The following AK1 variants were observed in gnomAD, a reference collection of about 807,000 sequenced individuals.
AK1 encodes the protein adenylate kinase isoenzyme 1.
In AK1, 13 loss-of-function variants were observed where a neutral mutation model predicts 23.9. That is an observed-to-expected ratio of 0.54 (90% CI 0.35 to 0.86). AK1 has a LOEUF of 0.86. AK1 is among the 40% of genes least tolerant of loss of function. The pLI, the probability that AK1 is intolerant of heterozygous loss-of-function variation, is 0.01. For synonymous variants in AK1, 97 were observed against 102.8 expected (o/e 0.94, Z 0.34); for missense variants, 214 against 255.1 (o/e 0.84, Z 1.10).
chr9:127,867,787 A>G lies in AK1; in HGVS notation c.*221T>C. 1 of 548,828 alleles carries G rather than the reference A, an allele frequency of 1.8e-6. No homozygotes were observed. 34.0% of individuals were successfully genotyped at this position (548,828 alleles called of 1,614,324 possible). On this transcript the variant is annotated 3_prime_UTR_variant, in exon 7 of 7. Coordinates refer to ENST00000644144, the MANE Select transcript of AK1 (RefSeq NM_000476.3). ...TGGGGACTTGCGGCCAGGTAGGCAC[A>G]AGCACATGAATCAACTCCAACTGGA...
rs189481090 is a variant in AK1, at chr9:127,871,296, T to C, written c.324+527A>G. 1.7e-3 allele frequency among the ~76,000 whole-genome samples: 261 copies of C among 151,704 alleles called. 15 individuals carry two copies. Among genetic ancestry groups the C allele is most frequent in the African/African-American group, 6.0e-3 (247 of 40,998 alleles). On this transcript the variant is annotated intron_variant, in intron 5 of 6. Coordinates refer to ENST00000644144, the MANE Select transcript of AK1 (RefSeq NM_000476.3). The surrounding 1 kb of genome is among the most constrained non-coding windows in gnomAD (Gnocchi z 4.4). ...CTCATGACCCCTGGAAGGAGACTGATGTCCCTTTATGGCATTTGCAGCCTC... is the reference window on the plus strand; with the variant it reads ...CTCATGACCCCTGGAAGGAGACTGACGTCCCTTTATGGCATTTGCAGCCTC...
At chr9:127,873,004 C>CA (rs1829451776) in intron 3 of AK1, 22 bp downstream of exon 3, 7 of 1,613,862 alleles carry the variant, frequency 4.3e-6, no homozygotes, top group Non-Finnish European at 5.1e-6. Context: ...CTTGCTGCAC[C>CA]ACCCGCCTGC....
intron 5 of AK1, among the ~76,000 whole-genome samples, chr9:127,869,709 C>T (rs1829341471): frequency 6.6e-6 from 1 of 152,214 alleles, no homozygotes; most frequent in Admixed American, 6.5e-5. Flanking sequence ...TACAGATTAC[C>T]ATGGGGGCAA....
At chr9:127,870,495 G>A (rs1356453068) in intron 5 of AK1, among the ~76,000 whole-genome samples, 4 of 151,974 alleles carry the variant, frequency 2.6e-5, no homozygotes, top group African/African-American at 4.8e-5. Context: ...CACTGCACCC[G>A]GCCGACTTTC....
Position 127,867,007 on chromosome 9 carries a change from C to CTTTTTTTTTTT in AK1, c.*990_*1000dup, listed in dbSNP as rs869298613. On this transcript the variant is annotated 3_prime_UTR_variant, in exon 7 of 7. Coordinates refer to ENST00000644144, the MANE Select transcript of AK1 (RefSeq NM_000476.3). The stretch of plus-strand genomic sequence containing the variant: ...GACCATGACTCCCCCAATTCAATTT[C>CTTTTTTTTTTT]TTTTTTTTTTTTTTTTTTTTTGAGA... 1.7e-5 allele frequency: 2 copies of CTTTTTTTTTTT among 115,084 alleles called. No individual in the cohort carries two copies. Among genetic ancestry groups the CTTTTTTTTTTT allele is most frequent in the Non-Finnish European group, 3.5e-5 (2 of 57,542 alleles). 7.1% of individuals were successfully genotyped at this position (115,084 alleles called of 1,614,324 possible). A position where few individuals can be genotyped will look rare whatever the true frequency, so the allele number is the denominator to read the frequency against.
At position 127,871,823 on chromosome 9, in the gene AK1, C is replaced by T. The variant is rs1257656767; in HGVS notation, c.324G>A (p.Arg108=). Reference sequence around the variant, plus strand: ...ATCCCCACTTGGGTCAGTGCCTTACCCGTCGCTCAAACTCTTCTCCTTGCT... The same window carrying T: ...ATCCCCACTTGGGTCAGTGCCTTACTCGTCGCTCAAACTCTTCTCCTTGCT... ...EVQQGEEFER[R]IGQPTLLLYV... Residue 108 remains arginine (R), a splice_region_variant and synonymous_variant, in exon 5 of 7, where the codon CGG becomes CGA. Coordinates refer to ENST00000644144, the MANE Select transcript of AK1 (RefSeq NM_000476.3). This position sits in a 1 kb window ranked among gnomAD's most constrained non-coding sequence, Gnocchi z 4.4. The T allele has an allele frequency of 6.2e-7, 1 of 1,613,780 alleles. No homozygotes were observed.
Position 127,868,399 on chromosome 9 carries a change from G to T in AK1, c.438C>A (p.Ile146=). Residue 146 remains isoleucine, a synonymous_variant, in exon 6 of 7, where the codon ATC becomes ATA. Coordinates refer to ENST00000644144, the MANE Select transcript of AK1 (RefSeq NM_000476.3). The surrounding 1 kb of genome is among the most constrained non-coding windows in gnomAD (Gnocchi z 4.1). ...SGRVDDNEET[I]KKRLETYYKA... is the part of the protein sequence containing the mutation. ...TGTAATAGGTCTCCAGCCGCTTTTT[G>T]ATGGTCTCCTCATTGTCGTCCACAC... The T allele has an allele frequency of 6.2e-7, 1 of 1,612,434 alleles. No individual in the cohort carries two copies. The highest frequency in any genetic ancestry group is 8.5e-7 in the Non-Finnish European group (1 of 1,179,446).
chr9:127,870,050 C>T (rs750641984), intron 5 of AK1, among the ~76,000 whole-genome samples: 1 of 152,160 alleles, frequency 6.6e-6, no homozygotes, highest in Non-Finnish European at 1.5e-5. Flanking sequence ...CCAGGCTGAC[C>T]CTCCCTCCTT....
chr9:127,877,668 C>T lies in AK1; in HGVS notation c.-78G>A, dbSNP rs1829573789. 1 of 152,388 alleles carries T rather than the reference C, an allele frequency of 6.6e-6. No homozygotes were observed. The highest frequency in any genetic ancestry group is 2.1e-4 in the South Asian group (1 of 4,830). The allele number at this position is 152,388 out of a possible 1,614,324, so 9.4% of individuals were successfully genotyped here. ...GCGCCGGGGCCAGTGCGTGCCCTGCCCGTCCTCGCGGCGGCCGGCAAAGGC... is the reference window on the plus strand; with the variant it reads ...GCGCCGGGGCCAGTGCGTGCCCTGCTCGTCCTCGCGGCGGCCGGCAAAGGC... On this transcript the variant is annotated 5_prime_UTR_variant, in exon 1 of 7. Coordinates refer to ENST00000644144, the MANE Select transcript of AK1 (RefSeq NM_000476.3). This position sits in a 1 kb window ranked among gnomAD's most constrained non-coding sequence, Gnocchi z 5.2.
Position 127,873,341 on chromosome 9 carries a change from C to T in AK1, c.8-280G>A, listed in dbSNP as rs1350242656. The T allele has an allele frequency of 2.1e-5, 32 of 1,548,032 alleles. No individual in the cohort carries two copies. The African/African-American group carries it at 2.7e-4, about 13-fold the overall frequency. Reference sequence around the variant, plus strand: ...TCTCCACACAGCCAGCGGGCTGGGCCGCCAGCCCTCATGGCGCCTCCCTGT... The same window carrying T: ...TCTCCACACAGCCAGCGGGCTGGGCTGCCAGCCCTCATGGCGCCTCCCTGT... On this transcript the variant is annotated intron_variant, in intron 2 of 6. Coordinates refer to ENST00000644144, the MANE Select transcript of AK1 (RefSeq NM_000476.3).
chr9:127,876,205 C>G (rs1829534972), intron 1 of AK1, among the ~76,000 whole-genome samples: 1 of 152,218 alleles, frequency 6.6e-6, no homozygotes, highest in Admixed American at 6.5e-5. Flanking sequence ...GGACTCTGCC[C>G]TCCACTCCCA....
At position 127,868,559 on chromosome 9, in the gene AK1, G is replaced by A. The variant is rs1829306208; in HGVS notation, c.325-47C>T. On this transcript the variant is annotated intron_variant, in intron 5 of 6. Coordinates refer to ENST00000644144, the MANE Select transcript of AK1 (RefSeq NM_000476.3). The surrounding 1 kb of genome is among the most constrained non-coding windows in gnomAD (Gnocchi z 4.1). The stretch of plus-strand genomic sequence containing the variant: ...CAGGGACCCCATTCCTGCCCCCTAG[G>A]GCCATCTCCTCCCCATCTTCCCATC... 2.6e-6 allele frequency: 4 copies of A among 1,544,772 alleles called. No individual in the cohort carries two copies. In the African/African-American group the frequency reaches 4.1e-5, roughly 16 times the overall value.
chr9:127,873,381 CG>C, intron 2 of AK1: 3 of 1,576,952 alleles, frequency 1.9e-6, no homozygotes, highest in South Asian at 1.2e-5. Context: ...GCCTGGACCC[CG>C]GGGCCGGTCA....
In AK1 at chr9:127,877,646, C is replaced by A. The variant is rs1829572804; in HGVS notation, c.-56G>T. 1.3e-5 allele frequency: 2 copies of A among 152,242 alleles called. No individual in the cohort carries two copies. The highest frequency in any genetic ancestry group is 1.3e-4 in the Admixed American group (2 of 15,286). The allele number at this position is 152,242 out of a possible 1,614,324, so 9.4% of individuals were successfully genotyped here. On this transcript the variant is annotated 5_prime_UTR_variant, in exon 1 of 7. Coordinates refer to ENST00000644144, the MANE Select transcript of AK1 (RefSeq NM_000476.3). This position sits in a 1 kb window ranked among gnomAD's most constrained non-coding sequence, Gnocchi z 5.2. ...ACCTGGGGAGGGGTGCGGGTGGGCG[C>A]CGGGGCCAGTGCGTGCCCTGCCCGT...
rs765054939 is a variant in AK1 at position 127,871,786 on chromosome 9, C to T, written c.324+37G>A. 4 of 1,577,622 alleles carry T rather than the reference C, an allele frequency of 2.5e-6. No individual in the cohort carries two copies. The highest frequency in any genetic ancestry group is 1.3e-5 in the African/African-American group (1 of 74,122). On this transcript the variant is annotated intron_variant, in intron 5 of 6. Coordinates refer to ENST00000644144, the MANE Select transcript of AK1 (RefSeq NM_000476.3). This position sits in a 1 kb window ranked among gnomAD's most constrained non-coding sequence, Gnocchi z 4.4. ...TGGGGATGGGAGTCTTATCCTGCCC[C>T]AGCCCACCAGGATCCCCACTTGGGT...
chr9:127,872,906 C>CA, intron 3 of AK1, 53 bp from the exon 4 acceptor site: 1 of 1,613,210 alleles, frequency 6.2e-7, no homozygotes, highest in Non-Finnish European at 8.5e-7. Context: ...CCAGGAGGAA[C>CA]AGGGGCTGCC....
rs1327284687 is a variant in AK1, at chr9:127,872,695, G to C, written c.202C>G (p.Pro68Ala). 2 of 1,614,090 alleles carry C rather than the reference G, an allele frequency of 1.2e-6. No homozygotes were observed. Among genetic ancestry groups the C allele is most frequent in the South Asian group, 2.2e-5 (2 of 91,074 alleles). Residue 68 changes from proline (P) to alanine (A), a missense_variant, in exon 4 of 7, where the codon CCA becomes GCA. Physicochemically the swap from Pro to Ala is conservative, Grantham distance 27. Coordinates refer to ENST00000644144, the MANE Select transcript of AK1 (RefSeq NM_000476.3). ...CCCCACCAGGGCCCACTCACCAGTG[G>C]AACCAGCTGCCCCTTCTCCATGATT... ...SEIMEKGQLV[P>A]LETVLDMLRD...
chr9:127,873,395 T>C, intron 2 of AK1: 2 of 1,582,988 alleles, frequency 1.3e-6, no homozygotes, highest in Non-Finnish European at 8.6e-7. Context: ...GCCGGTCACC[T>C]CTGGCTCTCA....
intron 2 of AK1, chr9:127,873,444 C>T: frequency 2.6e-6 from 4 of 1,542,698 alleles, no homozygotes; most frequent in Admixed American, 2.0e-5. Flanking sequence ...GGAGCAGCAG[C>T]CCATGGTCCC....
Sources: gnomAD v4.1 joint callset for allele counts (sites outside exome capture counted in the v4.1 genomes callset) on GRCh38, gnomAD v4.1.1 for gene constraint, Gnocchi (gnomAD v3.1) non-coding constraint, MANE v1.5 for transcripts, NCBI Gene and HGNC (gene_info 2026-07-23, HGNC 2026-07-21) for gene names.